Variants in AUTS2 observed in about 807,000 individuals in gnomAD.
AUTS2 encodes the protein activator of transcription and developmental regulator AUTS2.
AUTS2 carries 17 observed loss-of-function variants against 112.4 expected under a neutral mutation model. The ratio of observed to expected loss-of-function variants is 0.15; its 90% CI spans 0.10 to 0.23. The LOEUF is 0.23. Ranked by LOEUF, AUTS2 falls within the 10% of genes least tolerant of loss-of-function variation. The probability of loss-of-function intolerance (pLI) is 1.00; values close to 1 mark genes in which losing one functional copy is unlikely to be tolerated. For synonymous variants in AUTS2, 751 were observed against 702.7 expected (o/e 1.07, Z -1.09); for missense variants, 1,510 against 1,701.6 (o/e 0.89, Z 1.98).
At chr7:69,928,239 G>T (rs1562974218) in intron 2 of AUTS2, among the ~76,000 whole-genome samples, 1 of 152,142 alleles carries the variant, frequency 6.6e-6, no homozygotes, top group Non-Finnish European at 1.5e-5. Flanking sequence ...GGGCAGCCAT[G>T]GGTGGGCCTG....
intron 6 of AUTS2, among the ~76,000 whole-genome samples, chr7:70,701,777 T>C (rs1809476180): frequency 6.6e-6 from 1 of 152,236 alleles, no homozygotes; most frequent in Admixed American, 6.5e-5. Context: ...ATAGTTGCCA[T>C]ATTTAATCTT....
At position 69,773,089 on chromosome 7, in the gene AUTS2, A is replaced by T. The variant is rs191440574; in HGVS notation, c.310-126197A>T. ...CCAGACCTACTATTTATTTATTTGA[A>T]TTTTTTGGAAGGTTAGTGCGCAGCC... On this transcript the variant is annotated intron_variant, in intron 1 of 18. Coordinates refer to ENST00000342771, the MANE Select transcript of AUTS2 (RefSeq NM_015570.4). Among the ~76,000 whole-genome samples the T allele has an allele frequency of 5.9e-5, 9 of 152,222 alleles. No individual in the cohort carries two copies. In the South Asian group the frequency reaches 1.9e-3, roughly 32 times the overall value.
chr7:70,126,489 TG>T (rs1288179201), intron 3 of AUTS2, among the ~76,000 whole-genome samples: 1 of 152,218 alleles, frequency 6.6e-6, no homozygotes, highest in African/African-American at 2.4e-5. Context: ...GGGGAATAAT[TG>T]GCCACAAGGA....
At chr7:70,529,336 A>C (rs1376530828) in intron 5 of AUTS2, among the ~76,000 whole-genome samples, 1 of 152,220 alleles carries the variant, frequency 6.6e-6, no homozygotes, top group Non-Finnish European at 1.5e-5. Flanking sequence ...AATCTTTGCA[A>C]AGCAATCATG....
chr7:70,427,330 T>A (rs1289919320), intron 4 of AUTS2, among the ~76,000 whole-genome samples: 1 of 152,226 alleles, frequency 6.6e-6, no homozygotes, highest in Admixed American at 6.5e-5. Context: ...AAGATACTTA[T>A]TTTTCTGAGT....
Position 70,630,862 on chromosome 7 carries a change from G to A in AUTS2, c.691-67707G>A, listed in dbSNP as rs564917758. Among the ~76,000 whole-genome samples, 24 of 152,274 alleles carry A rather than the reference G, an allele frequency of 1.6e-4. 1 individual carries two copies. In the South Asian group the frequency reaches 3.9e-3, roughly 25 times the overall value. ...TTGCAGTAATTGCCTTTTACGAAGA[G>A]CACTTTGTAACACACATGCACAGTT... On this transcript the variant is annotated intron_variant, in intron 5 of 18. Coordinates refer to ENST00000342771, the MANE Select transcript of AUTS2 (RefSeq NM_015570.4).
At chr7:69,619,819 G>T (rs1793573528) in intron 1 of AUTS2, among the ~76,000 whole-genome samples, 1 of 152,194 alleles carries the variant, frequency 6.6e-6, no homozygotes, top group South Asian at 2.1e-4. Flanking sequence ...GGATGTGGGG[G>T]AGAGGTGGGT....
intron 4 of AUTS2, among the ~76,000 whole-genome samples, chr7:70,203,605 G>A (rs1439096309): frequency 1.4e-5 from 2 of 147,034 alleles, no homozygotes; most frequent in Non-Finnish European, 3.0e-5. Flanking sequence ...TAAAGTAGGG[G>A]GATATATAGA....
At chr7:70,668,014 C>G (rs1001457925) in intron 5 of AUTS2, among the ~76,000 whole-genome samples, 6 of 152,206 alleles carry the variant, frequency 3.9e-5, no homozygotes, top group African/African-American at 1.2e-4. Context: ...TTTCTTTTTT[C>G]ACCTAGGCTG....
intron 5 of AUTS2, among the ~76,000 whole-genome samples, chr7:70,543,982 A>G (rs1800663545): frequency 6.6e-6 from 1 of 152,202 alleles, no homozygotes; most frequent in African/African-American, 2.4e-5. Context: ...TTGAGACTTC[A>G]TAATTAAAAT....
At chr7:70,689,854 G>T (rs1355354754) in intron 5 of AUTS2, among the ~76,000 whole-genome samples, 1 of 151,704 alleles carries the variant, frequency 6.6e-6, no homozygotes, top group Non-Finnish European at 1.5e-5. Flanking sequence ...TATGGGACTG[G>T]TGTCATTTTG....
intron 4 of AUTS2, among the ~76,000 whole-genome samples, chr7:70,185,075 T>C (rs1399610707): frequency 7.9e-5 from 12 of 152,078 alleles, no homozygotes. Context: ...TTTTATTTAT[T>C]TTTGTATCTC....
At position 70,608,179 on chromosome 7, in the gene AUTS2, C is replaced by T. The variant is rs530435318; in HGVS notation, c.691-90390C>T. 1.7e-3 allele frequency among the ~76,000 whole-genome samples: 259 copies of T among 152,234 alleles called. 1 individual carries two copies. Among genetic ancestry groups the T allele is most frequent in the Middle Eastern group, 0.014 (4 of 294 alleles). On this transcript the variant is annotated intron_variant, in intron 5 of 18. Transcript: ENST00000342771. The stretch of plus-strand genomic sequence containing the variant: ...ACAGCAATGGCACAGTCATAGTTCA[C>T]GGCAGCCTCAACCTCCCAGGCTCAA...
chr7:69,669,563 G>T (rs1796219965), intron 1 of AUTS2, among the ~76,000 whole-genome samples: 1 of 151,988 alleles, frequency 6.6e-6, no homozygotes, highest in African/African-American at 2.4e-5. Flanking sequence ...TAAATAACAT[G>T]TATTTATCTT....
chr7:70,048,985 G>A (rs951323365), intron 2 of AUTS2, among the ~76,000 whole-genome samples: 2 of 152,102 alleles, frequency 1.3e-5, no homozygotes, highest in Non-Finnish European at 2.9e-5. Context: ...GTTTTGTGGG[G>A]TTTTCTTTTA....
chr7:69,656,256 C>A (rs1269752264), intron 1 of AUTS2, among the ~76,000 whole-genome samples: 1 of 152,166 alleles, frequency 6.6e-6, no homozygotes, highest in East Asian at 1.9e-4. Context: ...GCAGCTGACC[C>A]CTAGATCTCC....
chr7:70,434,269 C>G (rs1795798882), intron 4 of AUTS2, among the ~76,000 whole-genome samples: 1 of 152,140 alleles, frequency 6.6e-6, no homozygotes, highest in South Asian at 2.1e-4. Flanking sequence ...CATCTTTAGC[C>G]TCAAGAAAAA....
At chr7:70,075,772 AT>A (rs1802997685) in intron 2 of AUTS2, among the ~76,000 whole-genome samples, 1 of 152,242 alleles carries the variant, frequency 6.6e-6, no homozygotes, top group Non-Finnish European at 1.5e-5. Flanking sequence ...TCTAGAAAAT[AT>A]TATTAATGAA....
At chr7:70,395,682 G>A (rs1794049104) in intron 4 of AUTS2, among the ~76,000 whole-genome samples, 1 of 152,128 alleles carries the variant, frequency 6.6e-6, no homozygotes, top group South Asian at 2.1e-4. Flanking sequence ...GCTTCACTGA[G>A]GATTGTTTCC....
Sources: allele counts gnomAD v4.1 joint callset (sites outside exome capture counted in the v4.1 genomes callset), GRCh38; gene constraint gnomAD v4.1.1; transcripts MANE v1.5; gene names NCBI Gene and HGNC (gene_info 2026-07-23, HGNC 2026-07-21).